Variants in CATSPERE observed in about 807,000 individuals in gnomAD.
The protein encoded by CATSPERE is cation channel sperm-associated auxiliary subunit epsilon.
In CATSPERE, 93 loss-of-function variants were observed where a neutral mutation model predicts 114.1. The observed-to-expected ratio is 0.81, with a 90% CI of 0.69 to 0.97. CATSPERE has a LOEUF of 0.97. CATSPERE is among the 50% of genes least tolerant of loss of function. CATSPERE has a pLI of 0.00. For missense variants in CATSPERE, 1,058 were observed against 1,131.6 expected, an observed-to-expected ratio of 0.93 and a Z score of 0.93; for synonymous variants, 341 against 384.1, an observed-to-expected ratio of 0.89 and a Z score of 1.31.
intron 7 of CATSPERE, among the ~76,000 whole-genome samples, chr1:244,501,445 T>C (rs1259801804): frequency 6.6e-6 from 1 of 152,246 alleles, no homozygotes; most frequent in Non-Finnish European, 1.5e-5. Context: ...AGGAATTAGC[T>C]AACTGTTAAT....
chr1:244,586,521 G>A (rs1466567537), intron 13 of CATSPERE, among the ~76,000 whole-genome samples: 1 of 152,152 alleles, frequency 6.6e-6, no homozygotes, highest in Non-Finnish European at 1.5e-5. Context: ...GAACAAATCA[G>A]GCCCTGTGCT....
At chr1:244,517,810 GA>G (rs2148357289) in intron 7 of CATSPERE, among the ~76,000 whole-genome samples, 1 of 151,376 alleles carries the variant, frequency 6.6e-6, no homozygotes, top group African/African-American at 2.4e-5. Flanking sequence ...TATTCTTCAG[GA>G]AAGGCCTTCC....
intron 5 of CATSPERE, among the ~76,000 whole-genome samples, chr1:244,488,632 T>C (rs1397067696): frequency 1.3e-5 from 2 of 152,220 alleles, no homozygotes; most frequent in East Asian, 3.8e-4. Flanking sequence ...TTTCTTTTAT[T>C]ATCGACAAGT....
At chr1:244,566,652 CTTTTTTTTTTT>C (rs59466928) in intron 10 of CATSPERE, among the ~76,000 whole-genome samples, 5 of 49,114 alleles carry the variant, frequency 1.0e-4, no homozygotes, top group Admixed American at 1.9e-4. Context: ...GCAACCCCTG[CTTTTTTTTTTT>C]TTTTTTTTTT....
chr1:244,593,363 AAG>A (rs1268066545), intron 15 of CATSPERE, 30 bp from the exon 16 acceptor site: 1 of 1,609,162 alleles, frequency 6.2e-7, no homozygotes, highest in Non-Finnish European at 8.5e-7. Flanking sequence ...GAAAAGAGGA[AAG>A]AGAAATAATG....
intron 21 of CATSPERE, among the ~76,000 whole-genome samples, chr1:244,638,900 A>G (rs1161620003): frequency 6.6e-6 from 1 of 152,200 alleles, no homozygotes; most frequent in Non-Finnish European, 1.5e-5. Flanking sequence ...GCTTACCTGG[A>G]TTATTCAAAT....
At chr1:244,473,955 G>A (rs1239983376) in intron 2 of CATSPERE, among the ~76,000 whole-genome samples, 4 of 151,648 alleles carry the variant, frequency 2.6e-5, no homozygotes, top group African/African-American at 9.7e-5. Flanking sequence ...GGCTACCTTT[G>A]TGCTTATACC....
intron 8 of CATSPERE, among the ~76,000 whole-genome samples, chr1:244,527,873 C>T (rs1297292956): frequency 6.6e-6 from 1 of 152,176 alleles, no homozygotes; most frequent in East Asian, 1.9e-4. Context: ...ATCTCAGCCT[C>T]CCAAGTGGGA....
At chr1:244,495,785 G>T (rs1420494775) in intron 6 of CATSPERE, among the ~76,000 whole-genome samples, 1 of 152,054 alleles carries the variant, frequency 6.6e-6, no homozygotes, top group Admixed American at 6.6e-5. Flanking sequence ...GACTGGTAAA[G>T]CTCTACTGAC....
At position 244,461,454 on chromosome 1, in the gene CATSPERE, C is replaced by G; in HGVS notation, c.25C>G (p.Leu9Val). 7.3e-7 allele frequency: 1 copy of G among 1,377,438 alleles called. No individual in the cohort carries two copies. Among genetic ancestry groups the G allele is most frequent in the Non-Finnish European group, 9.5e-7 (1 of 1,057,688 alleles). The allele number at this position is 1,377,438 out of a possible 1,614,324, so 85.3% of individuals were successfully genotyped here. A position where few individuals can be genotyped will look rare whatever the true frequency, so the allele number is the denominator to read the frequency against. MSAREVAV[L>V]LLWLSCYGSA... ...CATGTCAGCCCGGGAAGTGGCCGTGCTGCTGCTGTGGCTGAGCTGCTATGG... is the reference window on the plus strand; with the variant it reads ...CATGTCAGCCCGGGAAGTGGCCGTGGTGCTGCTGTGGCTGAGCTGCTATGG... Residue 9 changes from leucine (L) to valine (V), a missense_variant, in exon 1 of 22, where the codon CTG becomes GTG. Coordinates refer to ENST00000366534, the MANE Select transcript of CATSPERE (RefSeq NM_001130957.2).
At chr1:244,521,578 T>TA (rs1261989089) in intron 8 of CATSPERE, among the ~76,000 whole-genome samples, 1 of 152,154 alleles carries the variant, frequency 6.6e-6, no homozygotes, top group Non-Finnish European at 1.5e-5. Context: ...CTCGGCTTAG[T>TA]AAAAAATAAA....
At chr1:244,485,878 TACAG>T (rs1336836136) in intron 5 of CATSPERE, among the ~76,000 whole-genome samples, 1 of 151,718 alleles carries the variant, frequency 6.6e-6, no homozygotes, top group Non-Finnish European at 1.5e-5. Context: ...TTTTTTCTTG[TACAG>T]ACAGGGTTTC....
At chr1:244,625,424 A>ATTTTTTTTTTTTTTTT in intron 20 of CATSPERE, among the ~76,000 whole-genome samples, 1 of 3,944 alleles carries the variant, frequency 2.5e-4, no homozygotes, top group Non-Finnish European at 6.9e-4. Flanking sequence ...ATATATATAT[A>ATTTTTTTTTTTTTTTT]TATATATATT....
chr1:244,506,241 A>G (rs1674795292), intron 7 of CATSPERE, among the ~76,000 whole-genome samples: 1 of 152,308 alleles, frequency 6.6e-6, no homozygotes, highest in Admixed American at 6.5e-5. Context: ...AGGCTGAATA[A>G]TATTCCATCA....
upstream of CATSPERE, chr1:244,451,855 G>A (rs1185835299): frequency 9.2e-6 from 14 of 1,518,508 alleles, no homozygotes; most frequent in Non-Finnish European, 1.1e-5. The surrounding 1 kb of genome is among the most constrained non-coding windows in gnomAD (Gnocchi z 6.6). Context: ...AGGAGAGGCG[G>A]CCGGCGAGGA....
intron 8 of CATSPERE, among the ~76,000 whole-genome samples, chr1:244,535,090 T>C (rs3005974): frequency 0.87 from 133,122 of 152,152 alleles, 59,094 homozygotes; most frequent in East Asian, 1. Context: ...TTCTCTTCTC[T>C]TACTTTCTGC....
At chr1:244,524,319 C>A (rs377169958) in intron 8 of CATSPERE, among the ~76,000 whole-genome samples, 2,172 of 149,020 alleles carry the variant, frequency 0.015, 33 homozygotes, top group East Asian at 0.044. Context: ...CTTCCTTACA[C>A]CTTATACAAA....
At chr1:244,481,414 G>A (rs1282334895) in intron 5 of CATSPERE, among the ~76,000 whole-genome samples, 1 of 152,140 alleles carries the variant, frequency 6.6e-6, no homozygotes, top group East Asian at 1.9e-4. Flanking sequence ...TTGCACCACT[G>A]CATTTCAGCC....
chr1:244,489,490 GAA>G (rs1657535327), intron 5 of CATSPERE, among the ~76,000 whole-genome samples: 1 of 111,128 alleles, frequency 9.0e-6, no homozygotes, highest in South Asian at 3.3e-4. Flanking sequence ...TTGGTGGAAA[GAA>G]AGAGGTTTAT....
Sources: allele counts gnomAD v4.1 joint callset (sites outside exome capture counted in the v4.1 genomes callset), GRCh38; gene constraint gnomAD v4.1.1; non-coding constraint Gnocchi (gnomAD v3.1); transcripts MANE v1.5; gene names NCBI Gene and HGNC (gene_info 2026-07-23, HGNC 2026-07-21).